The following LRRC42 variants were observed in gnomAD, a reference collection of about 807,000 sequenced individuals.
The protein encoded by LRRC42 is leucine rich repeat containing 42, also known as leucine-rich repeat-containing protein 42.
LRRC42 carries 43 observed loss-of-function variants against 44.3 expected under a neutral mutation model. The observed-to-expected ratio is 0.97, with a 90% CI of 0.76 to 1.25. The LOEUF (loss-of-function observed/expected upper bound fraction) is 1.25. Ranked by LOEUF, LRRC42 falls within the 50% of genes most tolerant of loss-of-function variation. The pLI is 0.00. For synonymous variants in LRRC42, 207 were observed against 195.2 expected (o/e 1.06, Z -0.50); for missense variants, 540 against 509.1 (o/e 1.06, Z -0.58).
intron 2 of LRRC42, among the ~76,000 whole-genome samples, chr1:53,948,527 T>C (rs930913594): frequency 2.6e-5 from 4 of 152,384 alleles, no homozygotes; most frequent in African/African-American, 9.6e-5. Context: ...TGTAATATTT[T>C]TCTATGCTGT....
intron 3 of LRRC42, among the ~76,000 whole-genome samples, chr1:53,952,852 A>G (rs991811430): frequency 1.3e-5 from 2 of 152,188 alleles, no homozygotes; most frequent in Non-Finnish European, 2.9e-5. Context: ...TTTTCAGACC[A>G]CTAGATACTG....
chr1:53,966,673 T>G (rs934131651), intron 8 of LRRC42, among the ~76,000 whole-genome samples: 1 of 152,030 alleles, frequency 6.6e-6, no homozygotes, highest in African/African-American at 2.4e-5. Context: ...AGGAATTGAG[T>G]GTAGCCAGAG....
chr1:53,959,773 C>T (rs1654944654), intron 4 of LRRC42, among the ~76,000 whole-genome samples: 1 of 152,152 alleles, frequency 6.6e-6, no homozygotes, highest in African/African-American at 2.4e-5. Flanking sequence ...AGAAAAGCAG[C>T]TTTTGTTTTA....
chr1:53,968,063 A>C lies in LRRC42; in HGVS notation c.*124A>C. The C allele has an allele frequency of 2.9e-6, 3 of 1,019,360 alleles. No individual in the cohort carries two copies. Among genetic ancestry groups the C allele is most frequent in the Non-Finnish European group, 4.3e-6 (3 of 693,710 alleles). 63.1% of individuals were successfully genotyped at this position (1,019,360 alleles called of 1,614,324 possible). On this transcript the variant is annotated 3_prime_UTR_variant, in exon 9 of 9. Transcript: ENST00000371370. ...ATTAGCATAGTAAGCAGATATTTCTACTTTTGTGGTGTGGGAGGGGAATGC... is the reference window on the plus strand; with the variant it reads ...ATTAGCATAGTAAGCAGATATTTCTCCTTTTGTGGTGTGGGAGGGGAATGC...
chr1:53,946,806 G>C (rs553162408), intron 1 of LRRC42, among the ~76,000 whole-genome samples: 33 of 151,970 alleles, frequency 2.2e-4, no homozygotes, highest in African/African-American at 8.0e-4. Flanking sequence ...ATTAGCCTGG[G>C]TGGACTCGGG....
Position 53,958,090 on chromosome 1 carries a change from A to G in LRRC42, c.474-59A>G, listed in dbSNP as rs1187736131. The stretch of plus-strand genomic sequence containing the variant: ...ATATTGACTATGATACAAATCCACA[A>G]ATGGTAATGCTTTAAGAGTAGTGAG... On this transcript the variant is annotated intron_variant, in intron 3 of 8. Transcript: ENST00000371370. 2.5e-6 allele frequency: 4 copies of G among 1,601,532 alleles called. No homozygotes were observed. The East Asian group carries it at 9.0e-5, about 36-fold the overall frequency.
At chr1:53,966,532 A>G (rs1262670712) in intron 8 of LRRC42, 152 bp downstream of exon 8, 5 of 597,040 alleles carry the variant, frequency 8.4e-6, no homozygotes, top group South Asian at 2.1e-5. Context: ...AGCTTACAGT[A>G]TAAGTTCACA....
Position 53,964,995 on chromosome 1 carries a change from A to ATTTTTTTTTTTT in LRRC42, c.928-1299_928-1298insTTTTTTTTTTTT, listed in dbSNP as rs1557649612. 8.0e-4 allele frequency among the ~76,000 whole-genome samples: 110 copies of ATTTTTTTTTTTT among 137,686 alleles called. 1 individual carries two copies. Among genetic ancestry groups the ATTTTTTTTTTTT allele is most frequent in the African/African-American group, 3.2e-3 (106 of 32,778 alleles). 90.3% of individuals were successfully genotyped at this position (137,686 alleles called of 152,430 possible). A position where few individuals can be genotyped will look rare whatever the true frequency, so the allele number is the denominator to read the frequency against. On this transcript the variant is annotated intron_variant, in intron 7 of 8. Coordinates refer to ENST00000371370, the MANE Select transcript of LRRC42 (RefSeq NM_001256409.2). ...GCCACTGTGCCTGGCCTGGAACTGT[A>ATTTTTTTTTTTT]TTGTTTTTTTTTGTTTTTTTTTTTT...
chr1:53,962,536 A>C, intron 7 of LRRC42, 127 bp downstream of exon 7: 1 of 675,680 alleles, frequency 1.5e-6, no homozygotes. Flanking sequence ...TCTTCATGTC[A>C]AATTGGAGAC....
rs372426451 is a variant in LRRC42, at chr1:53,952,141, C to G, written c.142C>G (p.Pro48Ala). The stretch of plus-strand genomic sequence containing the variant: ...GAAGCCAAGGCCTTTCAGACTGTTC[C>G]CCAAAGGCTTTTCTGTGGAGCTTTG... ...LQKPRPFRLF[P>A]KGFSVELCMN... The change falls in exon 3 of 9, where the codon CCC becomes GCC. Residue 48 changes from proline to alanine, a missense_variant. By Grantham distance (27) the Pro-to-Ala change is conservative. Coordinates refer to ENST00000371370, the MANE Select transcript of LRRC42 (RefSeq NM_001256409.2). 5 of 1,614,082 alleles carry G rather than the reference C, an allele frequency of 3.1e-6. No individual in the cohort carries two copies. The highest frequency in any genetic ancestry group is 1.3e-5 in the African/African-American group (1 of 74,922).
At position 53,959,966 on chromosome 1, in the gene LRRC42, G is replaced by A. The variant is rs1186115605; in HGVS notation, c.606-390G>A. The stretch of plus-strand genomic sequence containing the variant: ...GGCAGGGTCATGTTCTGTCACCTAG[G>A]CTGGAGTGCAGTGGTGCAATCATAG... On this transcript the variant is annotated intron_variant, in intron 4 of 8. Transcript: ENST00000371370. Among the ~76,000 whole-genome samples the A allele has an allele frequency of 9.3e-5, 14 of 151,074 alleles. No individual in the cohort carries two copies. The South Asian group carries it at 2.3e-3, about 25-fold the overall frequency.
At chr1:53,956,936 G>A (rs1464154654) in intron 3 of LRRC42, among the ~76,000 whole-genome samples, 1 of 152,162 alleles carries the variant, frequency 6.6e-6, no homozygotes, top group African/African-American at 2.4e-5. Flanking sequence ...TATTTACAAT[G>A]CAATTAAAAT....
chr1:53,956,984 G>A (rs1654858964), intron 3 of LRRC42, among the ~76,000 whole-genome samples: 1 of 152,168 alleles, frequency 6.6e-6, no homozygotes, highest in South Asian at 2.1e-4. Context: ...GTACCCAGCT[G>A]AGCTCGGTCT....
rs528410154 is a variant in LRRC42 at position 53,960,511 on chromosome 1, T to C, written c.724+37T>C. 5.0e-6 allele frequency: 7 copies of C among 1,404,202 alleles called. No individual in the cohort carries two copies. The South Asian group carries it at 8.3e-5, about 17-fold the overall frequency. The allele number at this position is 1,404,202 out of a possible 1,614,324, so 87.0% of individuals were successfully genotyped here. A position where few individuals can be genotyped will look rare whatever the true frequency, so the allele number is the denominator to read the frequency against. ...TCGAAATTATAGATTATTTTAATGT[T>C]GGAAGAATGGCCTTAGAGATCATGT... On this transcript the variant is annotated intron_variant, in intron 5 of 8. Coordinates refer to ENST00000371370, the MANE Select transcript of LRRC42 (RefSeq NM_001256409.2).
chr1:53,959,498 T>C (rs1218753742), intron 4 of LRRC42, among the ~76,000 whole-genome samples: 2 of 152,258 alleles, frequency 1.3e-5, no homozygotes, highest in East Asian at 3.9e-4. Flanking sequence ...TACTGCCCCA[T>C]AAAAAGATGC....
At chr1:53,966,195 G>C (rs1430710285) in intron 7 of LRRC42, 101 bp from the exon 8 acceptor site, 3 of 828,652 alleles carry the variant, frequency 3.6e-6, no homozygotes, top group Non-Finnish European at 6.0e-6. Flanking sequence ...TTTACCAGAG[G>C]GGTTTGTGTT....
intron 7 of LRRC42, among the ~76,000 whole-genome samples, chr1:53,965,008 GT>G (rs548333281): frequency 0.16 from 18,387 of 112,612 alleles, 2,731 homozygotes; most frequent in African/African-American, 0.46. Context: ...GTTTTTTTTT[GT>G]TTTTTTTTTT....
In LRRC42 at chr1:53,966,365, G is replaced by T. The variant is rs1452622733; in HGVS notation, c.997G>T (p.Ala333Ser). ...ACGGGAGACCTCGGAGCCTAGAGCA[G>T]CAGCTCAGCGCTTCTGTGAGAAATT... ...KPRETSEPRA[A>S]AQRFYGKRSR... The change falls in exon 8 of 9, where the codon GCA becomes TCA. Residue 333 changes from alanine (A) to serine (S), a missense_variant. Physicochemically the swap from Ala to Ser is moderately conservative, Grantham distance 99 (BLOSUM62 1). Transcript: ENST00000371370. The T allele has an allele frequency of 6.2e-7, 1 of 1,613,262 alleles. No individual in the cohort carries two copies. Among genetic ancestry groups the T allele is most frequent in the Non-Finnish European group, 8.5e-7 (1 of 1,179,300 alleles).
rs1284322113 is a variant in LRRC42, at chr1:53,960,401, GGTGCGGAAGATGACA to G, written c.653_667del (p.Val218_Thr222del). 1 of 1,613,756 alleles carries G rather than the reference GGTGCGGAAGATGACA, an allele frequency of 6.2e-7. No homozygotes were observed. The highest frequency in any genetic ancestry group is 8.5e-7 in the Non-Finnish European group (1 of 1,179,932). ...AGGATAATTGTTTATCTGATGCTGG[GGTGCGGAAGATGACA>G]GCACCAGTTCGAGTGATGAAAAGAG... is the stretch of plus-strand genomic sequence containing the variant. On this transcript the variant is annotated inframe_deletion, in exon 5 of 9. Coordinates refer to ENST00000371370, the MANE Select transcript of LRRC42 (RefSeq NM_001256409.2).
Sources: gnomAD v4.1 joint callset for allele counts (sites outside exome capture counted in the v4.1 genomes callset) on GRCh38, gnomAD v4.1.1 for gene constraint, MANE v1.5 for transcripts, NCBI Gene and HGNC (gene_info 2026-07-23, HGNC 2026-07-21) for gene names.